GCNT3: variants seen among roughly 807,000 people sequenced by gnomAD.
GCNT3 encodes glucosaminyl (N-acetyl) transferase 3, mucin type.
For synonymous variants in GCNT3, 269 were observed against 195.2 expected, an observed-to-expected ratio of 1.38 and a Z score of -3.15; for missense variants, 708 against 530.3, an observed-to-expected ratio of 1.34 and a Z score of -3.29.
At chr15:59,616,594 G>A (rs2082720715) in intron 1 of GCNT3, 98 bp from the exon 2 acceptor site, 1 of 152,336 alleles carries the variant, frequency 6.6e-6, no homozygotes, top group Admixed American at 6.5e-5. Flanking sequence ...TTGGGCTTGA[G>A]AATGTTTCTG....
rs1890937568 is a variant in GCNT3, at chr15:59,621,747, C to T, written c.*2192C>T. 1 of 151,452 alleles carries T rather than the reference C, an allele frequency of 6.6e-6. No homozygotes were observed. The highest frequency in any genetic ancestry group is 2.4e-5 in the African/African-American group (1 of 41,216). 9.4% of individuals were successfully genotyped at this position (151,452 alleles called of 1,614,324 possible). On this transcript the variant is annotated 3_prime_UTR_variant, in exon 3 of 3. Transcript: ENST00000396065. ...AGTAACTGGGATTACAGGTGTGTGC[C>T]ACCTTGCCTGGCTAATTTTTTTGTA...
chr15:59,618,646 T>C lies in GCNT3; in HGVS notation c.408T>C (p.Ser136=), dbSNP rs770418753. 10 of 1,614,100 alleles carry C rather than the reference T, an allele frequency of 6.2e-6. No individual in the cohort carries two copies. Among genetic ancestry groups the C allele is most frequent in the Non-Finnish European group, 7.6e-6 (9 of 1,179,964 alleles). Reference sequence around the variant, plus strand: ...AGGTGGAGTTCCCTATTGCATACTCTATGGTGATTCATGAGAAGATTGAAA... The same window carrying C: ...AGGTGGAGTTCCCTATTGCATACTCCATGGTGATTCATGAGAAGATTGAAA... The part of the protein sequence containing the change: ...KEEVEFPIAY[S]MVIHEKIENF... Residue 136 remains serine, a synonymous_variant, in exon 3 of 3, where the codon TCT becomes TCC. Coordinates refer to ENST00000396065, the MANE Select transcript of GCNT3 (RefSeq NM_004751.3).
chr15:59,618,869 G>T lies in GCNT3; in HGVS notation c.631G>T (p.Glu211Ter). The part of the protein sequence containing the change: ...SRVQADLNCM[E>*]DLLQSSVPWK... ...GGTGCAAGCTGACCTCAACTGCATG[G>T]AAGACTTGCTCCAGAGCTCAGTGCC... Residue 211 changes from glutamate (E) to a stop codon, truncating the protein, a stop_gained, in exon 3 of 3, where the codon GAA becomes TAA. Coordinates refer to ENST00000396065, the MANE Select transcript of GCNT3 (RefSeq NM_004751.3). LOFTEE classifies it low-confidence loss of function (END_TRUNC). The T allele has an allele frequency of 6.2e-7, 1 of 1,614,184 alleles. No individual in the cohort carries two copies. Among genetic ancestry groups the T allele is most frequent in the Non-Finnish European group, 8.5e-7 (1 of 1,180,030 alleles).
chr15:59,614,125 C>A lies in GCNT3; in HGVS notation c.-251+2144C>A, dbSNP rs571623462. ...ATGAAGGTGAGACTTGAGGGGGGCACCAAAGAAAAGTAAGATACTAATAAA... is the reference window on the plus strand; with the variant it reads ...ATGAAGGTGAGACTTGAGGGGGGCAACAAAGAAAAGTAAGATACTAATAAA... On this transcript the variant is annotated intron_variant, in intron 1 of 2. Transcript: ENST00000396065. 6.7e-4 allele frequency among the ~76,000 whole-genome samples: 102 copies of A among 152,112 alleles called. 1 individual carries two copies. The highest frequency in any genetic ancestry group is 5.8e-3 in the South Asian group (28 of 4,818).
rs1185223265 is a variant in GCNT3, at chr15:59,618,206, G to T, written c.-33G>T. 2 of 1,238,596 alleles carry T rather than the reference G, an allele frequency of 1.6e-6. No homozygotes were observed. The highest frequency in any genetic ancestry group is 3.0e-5 in the African/African-American group (2 of 66,590). The allele number at this position is 1,238,596 out of a possible 1,614,324, so 76.7% of individuals were successfully genotyped here. On this transcript the variant is annotated 5_prime_UTR_variant, in exon 3 of 3. Transcript: ENST00000396065. Reference sequence around the variant, plus strand: ...TTGTGTCCTCCTCCACCTTCCCTGTGCTCGGTCTCCACCTGTCTCCCATTC... The same window carrying T: ...TTGTGTCCTCCTCCACCTTCCCTGTTCTCGGTCTCCACCTGTCTCCCATTC...
Position 59,618,392 on chromosome 15 carries a change from T to C in GCNT3, c.154T>C (p.Cys52Arg), listed in dbSNP as rs749397269. 6.2e-7 allele frequency: 1 copy of C among 1,614,168 alleles called. No individual in the cohort carries two copies. Among genetic ancestry groups the C allele is most frequent in the South Asian group, 1.1e-5 (1 of 91,088 alleles). The change falls in exon 3 of 3, where the codon TGT becomes CGT. Residue 52 changes from cysteine (C) to arginine (R), a missense_variant. Physicochemically the swap from Cys to Arg is radical, Grantham distance 180. Coordinates refer to ENST00000396065, the MANE Select transcript of GCNT3 (RefSeq NM_004751.3). Reference protein sequence around the residue: ...LESRESQSQYCRNILYNFLKL... With the variant: ...LESRESQSQYRRNILYNFLKL... Reference sequence around the variant, plus strand: ...GTCCAGGGAATCTCAAAGCCAGTACTGTAGGAATATCTTGTATAATTTCCT... The same window carrying C: ...GTCCAGGGAATCTCAAAGCCAGTACCGTAGGAATATCTTGTATAATTTCCT...
intron 1 of GCNT3, among the ~76,000 whole-genome samples, chr15:59,613,083 C>G (rs1447342347): frequency 1.3e-5 from 2 of 152,040 alleles, no homozygotes; most frequent in African/African-American, 2.4e-5. Flanking sequence ...AAGTACCAGG[C>G]TATATTTGCC....
chr15:59,618,744 C>G lies in GCNT3; in HGVS notation c.506C>G (p.Pro169Arg), dbSNP rs1200020903. The change falls in exon 3 of 3, where the codon CCA (proline) becomes CGA (arginine). Residue 169 changes from proline (P) to arginine (R), a missense_variant. Transcript: ENST00000396065. ...TGTGTCCATGTGGATGAGAAGTCCCCAGAAACTTTCAAAGAGGCGGTCAAA... is the reference window on the plus strand; with the variant it reads ...TGTGTCCATGTGGATGAGAAGTCCCGAGAAACTTTCAAAGAGGCGGTCAAA... ...IYCVHVDEKS[P>R]ETFKEAVKAI... is the part of the protein sequence containing the mutation. 2.5e-6 allele frequency: 4 copies of G among 1,614,152 alleles called. No homozygotes were observed. The highest frequency in any genetic ancestry group is 3.4e-6 in the Non-Finnish European group (4 of 1,180,022).
Position 59,618,895 on chromosome 15 carries a change from G to C in GCNT3, c.657G>C (p.Pro219=). 1 of 1,614,118 alleles carries C rather than the reference G, an allele frequency of 6.2e-7. No individual in the cohort carries two copies. The highest frequency in any genetic ancestry group is 1.3e-5 in the African/African-American group (1 of 75,008). Residue 219 remains proline (P), a synonymous_variant, in exon 3 of 3, where the codon CCG becomes CCC. Coordinates refer to ENST00000396065, the MANE Select transcript of GCNT3 (RefSeq NM_004751.3). The part of the protein sequence containing the change: ...CMEDLLQSSV[P]WKYFLNTCGT... ...AAGACTTGCTCCAGAGCTCAGTGCCGTGGAAATACTTCCTGAATACATGTG... is the reference window on the plus strand; with the variant it reads ...AAGACTTGCTCCAGAGCTCAGTGCCCTGGAAATACTTCCTGAATACATGTG...
chr15:59,618,197 C>A lies in GCNT3; in HGVS notation c.-42C>A. 8.9e-7 allele frequency: 1 copy of A among 1,123,098 alleles called. No homozygotes were observed. Among genetic ancestry groups the A allele is most frequent in the Non-Finnish European group, 1.3e-6 (1 of 773,296 alleles). The allele number at this position is 1,123,098 out of a possible 1,614,324, so 69.6% of individuals were successfully genotyped here. A position where few individuals can be genotyped will look rare whatever the true frequency, so the allele number is the denominator to read the frequency against. On this transcript the variant is annotated 5_prime_UTR_variant, in exon 3 of 3. Transcript: ENST00000396065. ...GTCCAAGGATTGTGTCCTCCTCCACCTTCCCTGTGCTCGGTCTCCACCTGT... is the reference window on the plus strand; with the variant it reads ...GTCCAAGGATTGTGTCCTCCTCCACATTCCCTGTGCTCGGTCTCCACCTGT...
rs1281076513 is a variant in GCNT3 at position 59,619,004 on chromosome 15, G to T, written c.766G>T (p.Val256Leu). Residue 256 changes from valine (V) to leucine (L), a missense_variant, in exon 3 of 3, where the codon GTA becomes TTA. Transcript: ENST00000396065. ...TGGGAGGAATAGCATGGAGTCAGAG[G>T]TACCTCCTAAGCACAAAGAAACCCG... is the stretch of plus-strand genomic sequence containing the variant. ...LNGRNSMESEVPPKHKETRWK... is the reference protein window; with the variant it reads ...LNGRNSMESELPPKHKETRWK... The T allele has an allele frequency of 1.9e-6, 3 of 1,613,982 alleles. No individual in the cohort carries two copies. The highest frequency in any genetic ancestry group is 2.5e-6 in the Non-Finnish European group (3 of 1,180,006).
rs1475986982 is a variant in GCNT3 at position 59,620,531 on chromosome 15, C to T, written c.*976C>T. The T allele has an allele frequency of 6.0e-6, 1 of 166,950 alleles. No homozygotes were observed. The highest frequency in any genetic ancestry group is 1.5e-5 in the Non-Finnish European group (1 of 68,108). 10.3% of individuals were successfully genotyped at this position (166,950 alleles called of 1,614,324 possible). A position where few individuals can be genotyped will look rare whatever the true frequency, so the allele number is the denominator to read the frequency against. ...GGTTCTTCCATTGTTAAAAGCCATC[C>T]TCATTTTGTTTATATTGCCAGGTTT... On this transcript the variant is annotated 3_prime_UTR_variant, in exon 3 of 3. Coordinates refer to ENST00000396065, the MANE Select transcript of GCNT3 (RefSeq NM_004751.3).
chr15:59,613,300 T>G (rs1238248946), intron 1 of GCNT3, among the ~76,000 whole-genome samples: 1 of 152,090 alleles, frequency 6.6e-6, no homozygotes, highest in Non-Finnish European at 1.5e-5. Context: ...TACTAGGTAC[T>G]TGACGTTACT....
chr15:59,616,511 C>T (rs1044094321), intron 1 of GCNT3, 181 bp from the exon 2 acceptor site: 1 of 152,198 alleles, frequency 6.6e-6, no homozygotes, highest in Admixed American at 6.5e-5. Flanking sequence ...CTGGGCTGTT[C>T]TGGCTGAAAT....
rs147015089 is a variant in GCNT3 at position 59,619,467 on chromosome 15, A to G, written c.1229A>G (p.Asn410Ser). 4.2e-4 allele frequency: 675 copies of G among 1,614,174 alleles called. 1 individual carries two copies. The highest frequency in any genetic ancestry group is 4.6e-4 in the Non-Finnish European group (542 of 1,180,012). Reference sequence around the variant, plus strand: ...CTTCAAAACCATCACCTGTTGGCCAACAAGTTTGACCCAAAGGTAGATGAT... The same window carrying G: ...CTTCAAAACCATCACCTGTTGGCCAGCAAGTTTGACCCAAAGGTAGATGAT... ...WMLQNHHLLA[N>S]KFDPKVDDNA... The change falls in exon 3 of 3, where the codon AAC (asparagine) becomes AGC (serine). Residue 410 changes from asparagine (N) to serine (S), a missense_variant. Asn to Ser is a conservative substitution (Grantham distance 46). Coordinates refer to ENST00000396065, the MANE Select transcript of GCNT3 (RefSeq NM_004751.3).
intron 1 of GCNT3, among the ~76,000 whole-genome samples, chr15:59,616,043 G>T (rs2082718239): frequency 6.6e-6 from 1 of 152,086 alleles, no homozygotes; most frequent in Non-Finnish European, 1.5e-5. Context: ...CACCCCATGG[G>T]GCTCTCACTG....
At position 59,611,909 on chromosome 15, in the gene GCNT3, AG is replaced by A. The variant is rs1428021399; in HGVS notation, c.-320del. The A allele has an allele frequency of 6.6e-6, 1 of 152,204 alleles. No individual in the cohort carries two copies. The highest frequency in any genetic ancestry group is 1.5e-5 in the Non-Finnish European group (1 of 68,054). The allele number at this position is 152,204 out of a possible 1,614,324, so 9.4% of individuals were successfully genotyped here. A position where few individuals can be genotyped will look rare whatever the true frequency, so the allele number is the denominator to read the frequency against. ...TAATACCTATCACTGTAGGTGCTGA[AG>A]GGAAACAGATGAAGAACATGACCTC... On this transcript the variant is annotated 5_prime_UTR_variant, in exon 1 of 3. Transcript: ENST00000396065.
At position 59,618,856 on chromosome 15, in the gene GCNT3, C is replaced by T. The variant is rs1215280716; in HGVS notation, c.618C>T (p.Asp206=). The T allele has an allele frequency of 2.5e-6, 4 of 1,614,046 alleles. No individual in the cohort carries two copies. The highest frequency in any genetic ancestry group is 3.4e-6 in the Non-Finnish European group (4 of 1,180,030). Residue 206 remains aspartate, a synonymous_variant, in exon 3 of 3, where the codon GAC becomes GAT. Coordinates refer to ENST00000396065, the MANE Select transcript of GCNT3 (RefSeq NM_004751.3). ...CCTCCTGGTCCAGGGTGCAAGCTGA[C>T]CTCAACTGCATGGAAGACTTGCTCC... ...VYASWSRVQA[D]LNCMEDLLQS... is the part of the protein sequence containing the mutation.
In GCNT3 at chr15:59,618,685, A is replaced by G. The variant is rs1174967062; in HGVS notation, c.447A>G (p.Leu149=). 6.2e-7 allele frequency: 1 copy of G among 1,614,080 alleles called. No homozygotes were observed. The highest frequency in any genetic ancestry group is 2.2e-5 in the East Asian group (1 of 44,904). ...IHEKIENFER[L]LRAVYAPQNI... is the part of the protein sequence containing the mutation. ...AGAAGATTGAAAACTTTGAAAGGCT[A>G]CTGCGAGCTGTGTATGCCCCTCAGA... is the stretch of plus-strand genomic sequence containing the variant. The change falls in exon 3 of 3, where the codon CTA becomes CTG. Residue 149 remains leucine (L), a synonymous_variant. Transcript: ENST00000396065.
Sources: gnomAD v4.1 joint callset for allele counts (sites outside exome capture counted in the v4.1 genomes callset) on GRCh38, gnomAD v4.1.1 for gene constraint, MANE v1.5 for transcripts, NCBI Gene and HGNC (gene_info 2026-07-23, HGNC 2026-07-21) for gene names.